Variants in SCFD2 observed in about 807,000 individuals in gnomAD.
SCFD2 encodes sec1 family domain-containing protein 2.
SCFD2 carries 54 observed loss-of-function variants against 58.9 expected under a neutral mutation model. The observed-to-expected ratio is 0.92, with a 90% CI of 0.74 to 1.15. SCFD2 has a LOEUF of 1.15. Ranked by LOEUF, SCFD2 falls within the 50% of genes most tolerant of loss-of-function variation. The pLI is 0.00. For synonymous variants in SCFD2, 321 were observed against 335.9 expected (o/e 0.96, Z 0.49); for missense variants, 805 against 836.6 (o/e 0.96, Z 0.47).
intron 4 of SCFD2, among the ~76,000 whole-genome samples, chr4:53,187,610 G>A (rs564699225): frequency 6.6e-6 from 1 of 152,062 alleles, no homozygotes; most frequent in African/African-American, 2.4e-5. Context: ...ACTGACTGCT[G>A]TGATCTTGTG....
At chr4:53,023,898 T>C (rs572855961) in intron 5 of SCFD2, among the ~76,000 whole-genome samples, 2 of 152,198 alleles carry the variant, frequency 1.3e-5, no homozygotes, top group African/African-American at 4.8e-5. Flanking sequence ...AGTTAATCAT[T>C]TGAGGGAAAA....
chr4:53,361,664 G>A (rs931565711), intron 1 of SCFD2, among the ~76,000 whole-genome samples: 8 of 152,132 alleles, frequency 5.3e-5, no homozygotes, highest in African/African-American at 1.7e-4. Context: ...GGAATTACAG[G>A]CATGAGCCAC....
chr4:53,254,028 T>A (rs1471239189), intron 4 of SCFD2, among the ~76,000 whole-genome samples: 1 of 151,860 alleles, frequency 6.6e-6, no homozygotes, highest in Non-Finnish European at 1.5e-5. Context: ...CACTTATAAG[T>A]TAGAGCTAAG....
Position 53,272,461 on chromosome 4 carries a change from A to G in SCFD2, c.1311+1365T>C, listed in dbSNP as rs1731201650. ...GACTTGGAACCAACCCAAATGTCCAACAATGATAGACTGGATTAAGAAAAT... is the reference window on the plus strand; with the variant it reads ...GACTTGGAACCAACCCAAATGTCCAGCAATGATAGACTGGATTAAGAAAAT... On this transcript the variant is annotated intron_variant, in intron 4 of 8. Transcript: ENST00000401642. 2.0e-5 allele frequency among the ~76,000 whole-genome samples: 3 copies of G among 152,200 alleles called. 1 individual carries two copies. The South Asian group carries it at 6.2e-4, about 32-fold the overall frequency.
At chr4:52,914,949 T>C (rs1386707519) in intron 6 of SCFD2, among the ~76,000 whole-genome samples, 8 of 152,110 alleles carry the variant, frequency 5.3e-5, no homozygotes, top group Admixed American at 5.2e-4. Context: ...AAATGAATCC[T>C]TAAAAAAATA....
At chr4:53,174,963 G>A (rs966222669) in intron 4 of SCFD2, among the ~76,000 whole-genome samples, 5 of 152,014 alleles carry the variant, frequency 3.3e-5, no homozygotes, top group African/African-American at 9.7e-5. Context: ...GTTTGTGACG[G>A]ACCACAGCTC....
chr4:53,132,787 C>G (rs922326477), intron 5 of SCFD2, among the ~76,000 whole-genome samples: 22 of 152,188 alleles, frequency 1.4e-4, no homozygotes, highest in African/African-American at 4.8e-4. Context: ...TAGCAACATC[C>G]TTGTCACCAC....
intron 4 of SCFD2, among the ~76,000 whole-genome samples, chr4:53,201,795 A>T (rs1202335106): frequency 2.6e-5 from 4 of 152,016 alleles, no homozygotes; most frequent in African/African-American, 9.7e-5. Context: ...GCATTTTTTC[A>T]TGTGTTTTTT....
chr4:52,912,037 C>A (rs1719498348), intron 6 of SCFD2, among the ~76,000 whole-genome samples: 1 of 151,986 alleles, frequency 6.6e-6, no homozygotes, highest in African/African-American at 2.4e-5. Context: ...AATAAATTAC[C>A]TTTCTTTTTT....
At chr4:53,271,156 C>T (rs1267423064) in intron 4 of SCFD2, among the ~76,000 whole-genome samples, 1 of 151,956 alleles carries the variant, frequency 6.6e-6, no homozygotes, top group Non-Finnish European at 1.5e-5. Flanking sequence ...GGCAGCTCAC[C>T]GACATCCTGA....
intron 7 of SCFD2, among the ~76,000 whole-genome samples, chr4:52,899,434 T>C (rs1719120140): frequency 6.6e-6 from 1 of 152,284 alleles, no homozygotes; most frequent in East Asian, 1.9e-4. Context: ...GATATGAAAT[T>C]CTGGGTTGAA....
At chr4:53,004,608 G>A (rs1296820911) in intron 5 of SCFD2, among the ~76,000 whole-genome samples, 5 of 152,190 alleles carry the variant, frequency 3.3e-5, no homozygotes, top group Non-Finnish European at 7.3e-5. Context: ...GTAGTAAGTG[G>A]TAGAGTTAGA....
intron 5 of SCFD2, among the ~76,000 whole-genome samples, chr4:52,932,520 T>C (rs778429585): frequency 5.9e-5 from 9 of 152,234 alleles, no homozygotes; most frequent in Non-Finnish European, 1.3e-4. Context: ...ATTCTGTAAG[T>C]ATCGGGGGAA....
intron 5 of SCFD2, among the ~76,000 whole-genome samples, chr4:53,030,100 A>G (rs1722578667): frequency 6.6e-6 from 1 of 152,222 alleles, no homozygotes; most frequent in South Asian, 2.1e-4. Context: ...AATTATATCT[A>G]GAAAACATAA....
chr4:53,183,735 T>C (rs1226325887), intron 4 of SCFD2, among the ~76,000 whole-genome samples: 1 of 152,120 alleles, frequency 6.6e-6, no homozygotes, highest in Non-Finnish European at 1.5e-5. Flanking sequence ...TTTGGAACCC[T>C]TATGAAATCT....
At chr4:53,207,046 C>T (rs1410486638) in intron 4 of SCFD2, among the ~76,000 whole-genome samples, 4 of 151,826 alleles carry the variant, frequency 2.6e-5, no homozygotes, top group Admixed American at 1.3e-4. Flanking sequence ...TATGGCATGG[C>T]GAGAGGGCAT....
At position 53,343,524 on chromosome 4, in the gene SCFD2, A is replaced by T. The variant is rs547359680; in HGVS notation, c.1007+9074T>A. On this transcript the variant is annotated intron_variant, in intron 2 of 8. Transcript: ENST00000401642. ...ATCACATCCAAAGTCCACCAGAGGT[A>T]CAAGGAGGAGCTGGTACCATTCCTT... Among the ~76,000 whole-genome samples the T allele has an allele frequency of 2.0e-4, 31 of 152,352 alleles. No individual in the cohort carries two copies. The East Asian group carries it at 5.2e-3, about 26-fold the overall frequency.
intron 2 of SCFD2, among the ~76,000 whole-genome samples, chr4:53,343,631 C>G (rs1179071309): frequency 1.3e-5 from 2 of 152,152 alleles, no homozygotes; most frequent in Non-Finnish European, 2.9e-5. Flanking sequence ...GATATTAAAG[C>G]CGGGCATAGA....
chr4:53,314,488 CG>C (rs1217226970), intron 2 of SCFD2, among the ~76,000 whole-genome samples: 1 of 152,126 alleles, frequency 6.6e-6, no homozygotes, highest in African/African-American at 2.4e-5. Flanking sequence ...GTGTTCTTTC[CG>C]GAAGATCTCT....
Sources: gnomAD v4.1 joint callset for allele counts (sites outside exome capture counted in the v4.1 genomes callset) on GRCh38, gnomAD v4.1.1 for gene constraint, MANE v1.5 for transcripts, NCBI Gene and HGNC (gene_info 2026-07-23, HGNC 2026-07-21) for gene names.